Variants in DCDC2 observed in about 807,000 individuals in gnomAD.
DCDC2 encodes the protein doublecortin domain containing 2.
Under a neutral mutation model 50.2 loss-of-function variants are expected in DCDC2, and 40 were observed. The ratio of observed to expected loss-of-function variants is 0.80; its 90% confidence interval spans 0.62 to 1.04. DCDC2 has a LOEUF of 1.04. DCDC2 is among the 50% of genes least tolerant of loss of function. The pLI, the probability that DCDC2 is intolerant of heterozygous loss-of-function variation, is 0.00. For missense variants in DCDC2, 570 were observed against 581.9 expected, an observed-to-expected ratio of 0.98 and a Z score of 0.21; for synonymous variants, 234 against 210.6, an observed-to-expected ratio of 1.11 and a Z score of -0.96.
In DCDC2 at chr6:24,357,690, C is replaced by T. The variant is rs775204027; in HGVS notation, c.61G>A (p.Val21Met). The change falls in exon 1 of 10, where the codon GTG becomes ATG. Residue 21 changes from valine to methionine, a missense_variant. Physicochemically the swap from Val to Met is conservative, Grantham distance 21 (BLOSUM62 1). Coordinates refer to ENST00000378454, the MANE Select transcript of DCDC2 (RefSeq NM_016356.5). ...LSQPVVKSVLVYRNGDPFYAG... is the reference protein window; with the variant it reads ...LSQPVVKSVLMYRNGDPFYAG... ...TAGAAGGGGTCCCCGTTGCGGTACA[C>T]AAGCACGCTCTTCACGACGGGCTGA... 1.9e-6 allele frequency: 3 copies of T among 1,613,432 alleles called. No individual in the cohort carries two copies. In the Admixed American group the frequency reaches 5.0e-5, roughly 27 times the overall value.
intron 2 of DCDC2, among the ~76,000 whole-genome samples, chr6:24,329,544 C>A (rs1759930776): frequency 6.6e-6 from 1 of 152,152 alleles, no homozygotes; most frequent in Admixed American, 6.5e-5. Flanking sequence ...AGATACAATG[C>A]AGACAGGCAA....
chr6:24,324,415 GGT>G (rs1477968187), intron 2 of DCDC2, among the ~76,000 whole-genome samples: 2 of 152,182 alleles, frequency 1.3e-5, no homozygotes, highest in Non-Finnish European at 2.9e-5. Flanking sequence ...ATCTGTATTT[GGT>G]CCATCCAGAT....
chr6:24,295,063 A>G (rs1431226023), intron 4 of DCDC2, among the ~76,000 whole-genome samples: 2 of 152,162 alleles, frequency 1.3e-5, no homozygotes, highest in South Asian at 4.1e-4. Context: ...CATCAATACA[A>G]AAGTCCTCAA....
chr6:24,370,432 G>A, the DCDC2 span, among the ~76,000 whole-genome samples: 1 of 152,144 alleles, frequency 6.6e-6, no homozygotes, highest in Non-Finnish European at 1.5e-5. Flanking sequence ...TACAGGCCAG[G>A]CACAGTGGCT....
chr6:24,258,191 G>C (rs1347030034), intron 7 of DCDC2, among the ~76,000 whole-genome samples: 1 of 152,186 alleles, frequency 6.6e-6, no homozygotes, highest in Non-Finnish European at 1.5e-5. Flanking sequence ...GGGAGCAGCA[G>C]CAAGATTTAT....
intron 7 of DCDC2, among the ~76,000 whole-genome samples, chr6:24,209,801 G>A (rs1287989373): frequency 2.0e-5 from 3 of 152,094 alleles, no homozygotes; most frequent in African/African-American, 7.2e-5. Flanking sequence ...GTAATAATGG[G>A]ATGGCGCATC....
At chr6:24,296,290 T>C (rs527356823) in intron 4 of DCDC2, among the ~76,000 whole-genome samples, 45 of 152,226 alleles carry the variant, frequency 3.0e-4, no homozygotes, top group African/African-American at 1.0e-3. Flanking sequence ...ATGACTGAAA[T>C]TGAACTCCTT....
intron 2 of DCDC2, among the ~76,000 whole-genome samples, chr6:24,331,779 C>G (rs980471399): frequency 1.3e-5 from 2 of 152,100 alleles, no homozygotes; most frequent in African/African-American, 4.8e-5. Context: ...TTCAGGAGAT[C>G]AAACTCAGTA....
chr6:24,291,133 G>T (rs1277396113), intron 4 of DCDC2, 55 bp from the exon 5 acceptor site: 5 of 1,530,712 alleles, frequency 3.3e-6, no homozygotes, highest in Non-Finnish European at 4.4e-6. Flanking sequence ...TTAAAGAATT[G>T]CTTAAGATTA....
At chr6:24,276,690 T>C (rs1000878788) in intron 7 of DCDC2, among the ~76,000 whole-genome samples, 1 of 152,164 alleles carries the variant, frequency 6.6e-6, no homozygotes, top group African/African-American at 2.4e-5. Flanking sequence ...TTTCTTTTCT[T>C]TGATTCTTGT....
chr6:24,343,036 C>T (rs1198719013), intron 2 of DCDC2, among the ~76,000 whole-genome samples: 2 of 150,042 alleles, frequency 1.3e-5, no homozygotes, highest in African/African-American at 4.9e-5. Context: ...CACTGCCTGG[C>T]TCTTGGTAAA....
chr6:24,218,955 C>T lies in DCDC2; in HGVS notation c.923-13853G>A, dbSNP rs986750708. On this transcript the variant is annotated intron_variant, in intron 7 of 9. Coordinates refer to ENST00000378454, the MANE Select transcript of DCDC2 (RefSeq NM_016356.5). ...AGATGGTATCTTCCAGATATCCTTG[C>T]TTCTTTCTTAACTGATAACTATGAA... Among the ~76,000 whole-genome samples, 15 of 152,272 alleles carry T rather than the reference C, an allele frequency of 9.9e-5. 1 individual carries two copies. The highest frequency in any genetic ancestry group is 8.3e-4 in the South Asian group (4 of 4,822).
At chr6:24,176,517 T>C (rs887656392) in intron 9 of DCDC2, among the ~76,000 whole-genome samples, 4 of 152,206 alleles carry the variant, frequency 2.6e-5, no homozygotes, top group Non-Finnish European at 5.9e-5. Flanking sequence ...ATAAAAATTG[T>C]ATGTTTATAG....
chr6:24,260,207 G>C (rs1762980076), intron 7 of DCDC2, among the ~76,000 whole-genome samples: 1 of 152,134 alleles, frequency 6.6e-6, no homozygotes, highest in Non-Finnish European at 1.5e-5. Flanking sequence ...AGTCTTGGGA[G>C]GGGGAGGACA....
At chr6:24,285,012 C>T (rs950008788) in intron 6 of DCDC2, among the ~76,000 whole-genome samples, 3 of 152,132 alleles carry the variant, frequency 2.0e-5, no homozygotes, top group African/African-American at 4.8e-5. Flanking sequence ...TGTCTACTCC[C>T]ATTCATCCCA....
the DCDC2 span, among the ~76,000 whole-genome samples, chr6:24,381,665 CG>C: frequency 4.2e-4 from 64 of 152,112 alleles, 1 homozygote; most frequent in South Asian, 0.012. Flanking sequence ...TATTTAAAAG[CG>C]GGGTGCCATG....
At chr6:24,345,877 T>G (rs1474739015) in intron 2 of DCDC2, among the ~76,000 whole-genome samples, 2 of 151,324 alleles carry the variant, frequency 1.3e-5, no homozygotes, top group Non-Finnish European at 2.9e-5. Context: ...GAAAAGAGAG[T>G]AAAAATTATC....
intron 6 of DCDC2, among the ~76,000 whole-genome samples, chr6:24,287,284 G>C (rs1164165981): frequency 1.3e-5 from 2 of 152,224 alleles, no homozygotes; most frequent in Non-Finnish European, 2.9e-5. Context: ...CTGTGTGGAT[G>C]CAATTCCTCC....
At chr6:24,183,412 A>G (rs1761127275) in intron 8 of DCDC2, among the ~76,000 whole-genome samples, 1 of 152,226 alleles carries the variant, frequency 6.6e-6, no homozygotes, top group Non-Finnish European at 1.5e-5. Context: ...AGTTCAGGAA[A>G]GGAGCCCACA....
Sources: gnomAD v4.1 joint callset for allele counts (sites outside exome capture counted in the v4.1 genomes callset) on GRCh38, gnomAD v4.1.1 for gene constraint, MANE v1.5 for transcripts, NCBI Gene and HGNC (gene_info 2026-07-23, HGNC 2026-07-21) for gene names.